BRINP1: variants seen among roughly 807,000 people sequenced by gnomAD.
BRINP1 encodes BMP/retinoic acid-inducible neural-specific protein 1.
Under a neutral mutation model 72.9 loss-of-function variants are expected in BRINP1, and 17 were observed. That is an observed-to-expected ratio of 0.23 (90% CI 0.16 to 0.35). BRINP1 has a LOEUF of 0.35. Ranked by LOEUF, BRINP1 falls within the 10% of genes least tolerant of loss-of-function variation. The pLI, the probability that BRINP1 is intolerant of heterozygous loss-of-function variation, is 1.00. For synonymous variants in BRINP1, 418 were observed against 378.5 expected (o/e 1.10, Z -1.21); for missense variants, 850 against 1,001.6 (o/e 0.85, Z 2.04).
At chr9:119,255,722 G>C (rs376808593) in intron 2 of BRINP1, among the ~76,000 whole-genome samples, 8 of 152,190 alleles carry the variant, frequency 5.3e-5, no homozygotes, top group African/African-American at 1.7e-4. Flanking sequence ...GGGAGGTCAA[G>C]GCGGGCAGAT....
chr9:119,318,478 G>GTA (rs1416974502), intron 1 of BRINP1, among the ~76,000 whole-genome samples: 1 of 152,152 alleles, frequency 6.6e-6, no homozygotes, highest in Non-Finnish European at 1.5e-5. Flanking sequence ...AAGGAGAAAG[G>GTA]TACATGAGCA....
Position 119,265,305 on chromosome 9 carries a change from A to G in BRINP1, c.219-16155T>C, listed in dbSNP as rs575457224. Among the ~76,000 whole-genome samples the G allele has an allele frequency of 3.2e-4, 49 of 152,186 alleles. No individual in the cohort carries two copies. In the South Asian group the frequency reaches 7.9e-3, roughly 25 times the overall value. ...AACACCTAGCTCAGGGTTTGCATAT[A>G]ATCAGTCCTCAAGGCCAGGCATGGT... On this transcript the variant is annotated intron_variant, in intron 2 of 7. Transcript: ENST00000265922.
intron 2 of BRINP1, among the ~76,000 whole-genome samples, chr9:119,251,767 G>T (rs552477704): frequency 6.6e-6 from 1 of 152,106 alleles, no homozygotes; most frequent in South Asian, 2.1e-4. Flanking sequence ...GGGCATGGGG[G>T]AAAGACCTTG....
At chr9:119,357,557 G>A (rs1408592364) in intron 1 of BRINP1, among the ~76,000 whole-genome samples, 1 of 152,162 alleles carries the variant, frequency 6.6e-6, no homozygotes, top group Non-Finnish European at 1.5e-5. Context: ...GAGGCACTGT[G>A]AAGTTAAATT....
intron 1 of BRINP1, among the ~76,000 whole-genome samples, chr9:119,362,004 T>C (rs928001528): frequency 1.3e-5 from 2 of 151,882 alleles, no homozygotes; most frequent in East Asian, 1.9e-4. Context: ...GGATTCACCA[T>C]GTTGGTCAGG....
intron 2 of BRINP1, among the ~76,000 whole-genome samples, chr9:119,307,159 C>A (rs990373016): frequency 7.9e-5 from 12 of 151,598 alleles, no homozygotes; most frequent in African/African-American, 2.4e-4. Flanking sequence ...CAGAAGCACC[C>A]CCAACAAACA....
At chr9:119,345,346 T>C (rs1335259897) in intron 1 of BRINP1, among the ~76,000 whole-genome samples, 1 of 152,240 alleles carries the variant, frequency 6.6e-6, no homozygotes, top group Non-Finnish European at 1.5e-5. Flanking sequence ...AAAAAAAAAT[T>C]CTATTTCTGG....
At chr9:119,314,392 G>A (rs1434681613) in intron 1 of BRINP1, among the ~76,000 whole-genome samples, 1 of 152,158 alleles carries the variant, frequency 6.6e-6, no homozygotes, top group Non-Finnish European at 1.5e-5. Flanking sequence ...TTGAGACGGA[G>A]TCTCACTCTC....
chr9:119,334,677 G>A (rs976060529), intron 1 of BRINP1, among the ~76,000 whole-genome samples: 1 of 150,988 alleles, frequency 6.6e-6, no homozygotes, highest in Admixed American at 6.6e-5. Context: ...GAGGAAGGTA[G>A]ACTTAAGTGT....
chr9:119,192,867 TGTATAAAGAAAATGTG>T (rs1829696491), intron 7 of BRINP1, among the ~76,000 whole-genome samples: 1 of 152,052 alleles, frequency 6.6e-6, no homozygotes, highest in East Asian at 1.9e-4. Flanking sequence ...AACAAATAAA[TGTATAAAGAAAATGTG>T]GTACACAGTT....
intron 7 of BRINP1, among the ~76,000 whole-genome samples, chr9:119,206,065 G>A (rs1829850347): frequency 6.6e-6 from 1 of 152,100 alleles, no homozygotes; most frequent in Non-Finnish European, 1.5e-5. Flanking sequence ...TGGTAATTAA[G>A]TTAACATGAG....
At chr9:119,231,226 A>G (rs573112757) in intron 5 of BRINP1, among the ~76,000 whole-genome samples, 33 of 152,196 alleles carry the variant, frequency 2.2e-4, no homozygotes, top group African/African-American at 6.7e-4. Context: ...AAATGTCTCC[A>G]TTATCACATG....
chr9:119,343,677 C>G (rs1831425475), intron 1 of BRINP1, among the ~76,000 whole-genome samples: 1 of 152,082 alleles, frequency 6.6e-6, no homozygotes, highest in South Asian at 2.1e-4. Flanking sequence ...ACTCAGTCCC[C>G]AATAAGTAAG....
At chr9:119,303,836 T>C (rs1830965640) in intron 2 of BRINP1, among the ~76,000 whole-genome samples, 1 of 151,852 alleles carries the variant, frequency 6.6e-6, no homozygotes, top group South Asian at 2.1e-4. Context: ...CTACTAGTCC[T>C]CAAACATTTG....
chr9:119,353,347 G>A (rs1213437705), intron 1 of BRINP1, among the ~76,000 whole-genome samples: 1 of 151,828 alleles, frequency 6.6e-6, no homozygotes, highest in Non-Finnish European at 1.5e-5. Context: ...TCCCTTAACA[G>A]TACTTTAGAA....
intron 2 of BRINP1, among the ~76,000 whole-genome samples, chr9:119,279,338 G>A (rs758096057): frequency 8.6e-5 from 13 of 152,044 alleles, no homozygotes; most frequent in Non-Finnish European, 1.9e-4. Context: ...ATTAACCATG[G>A]GGATTTCGCC....
chr9:119,167,799 ATGCGCT>A lies in BRINP1; in HGVS notation c.1565_1570del (p.Lys522_Arg523del). 6.2e-7 allele frequency: 1 copy of A among 1,613,900 alleles called. No individual in the cohort carries two copies. Among genetic ancestry groups the A allele is most frequent in the Non-Finnish European group, 8.5e-7 (1 of 1,179,972 alleles). ...CTTGTTGCTCTTGAGAGTGAGGGAC[ATGCGCT>A]TGCGCCACCGAGGGTCAAAGAAGGT... On this transcript the variant is annotated inframe_deletion, in exon 8 of 8. Coordinates refer to ENST00000265922, the MANE Select transcript of BRINP1 (RefSeq NM_014618.3). The surrounding 1 kb of genome is among the most constrained non-coding windows in gnomAD (Gnocchi z 4.3).
intron 1 of BRINP1, among the ~76,000 whole-genome samples, chr9:119,335,758 C>T (rs1296052497): frequency 6.6e-6 from 1 of 152,220 alleles, no homozygotes; most frequent in Non-Finnish European, 1.5e-5. Flanking sequence ...TCAGACTTCT[C>T]TAAATCTAAA....
intron 7 of BRINP1, among the ~76,000 whole-genome samples, chr9:119,178,742 GTCTGAGATCACAAAATTTGGTA>G (rs1829518652): frequency 1.3e-5 from 2 of 152,192 alleles, no homozygotes; most frequent in African/African-American, 2.4e-5. Context: ...GAGATGACTT[GTCTGAGATCACAAAATTTGGTA>G]TCTGAATGTG....
Sources: allele counts gnomAD v4.1 joint callset (sites outside exome capture counted in the v4.1 genomes callset), GRCh38; gene constraint gnomAD v4.1.1; non-coding constraint Gnocchi (gnomAD v3.1); transcripts MANE v1.5; gene names NCBI Gene and HGNC (gene_info 2026-07-23, HGNC 2026-07-21).